The following NEGR1 variants were observed in gnomAD, a reference collection of about 807,000 sequenced individuals.
NEGR1 encodes the protein IgLON family member 4.
A neutral mutation model predicts 40.9 loss-of-function variants in NEGR1; 10 were observed. That is an observed-to-expected ratio of 0.24 (90% CI 0.15 to 0.42). NEGR1 has a LOEUF of 0.42. Among genes scored for constraint, NEGR1 ranks in the 10% least tolerant of loss-of-function variants. NEGR1 has a pLI of 1.00. For synonymous variants in NEGR1, 185 were observed against 166.8 expected (o/e 1.11, Z -0.84); for missense variants, 352 against 438.9 (o/e 0.80, Z 1.77).
intron 4 of NEGR1, among the ~76,000 whole-genome samples, chr1:71,675,803 G>GT (rs1553157806): frequency 0.38 from 17,428 of 46,050 alleles, 1,254 homozygotes; most frequent in East Asian, 0.49. Context: ...TTTGTTTTTT[G>GT]TTTTTTTTTT....
intron 1 of NEGR1, among the ~76,000 whole-genome samples, chr1:72,014,057 T>G (rs924290968): frequency 6.6e-6 from 1 of 151,102 alleles, no homozygotes; most frequent in Non-Finnish European, 1.5e-5. Context: ...TAATGCATAT[T>G]AGCATTTAAA....
intron 1 of NEGR1, among the ~76,000 whole-genome samples, chr1:71,999,100 G>A (rs1646531858): frequency 6.6e-6 from 1 of 151,810 alleles, no homozygotes; most frequent in Non-Finnish European, 1.5e-5. Flanking sequence ...ATGGTTTTAG[G>A]TTTGCCTCAC....
intron 1 of NEGR1, among the ~76,000 whole-genome samples, chr1:72,220,960 T>C (rs1434495584): frequency 2.0e-5 from 3 of 151,344 alleles, no homozygotes; most frequent in Non-Finnish European, 2.9e-5. Context: ...ATTTGTTTGC[T>C]AGAGCTGACA....
At chr1:71,717,976 T>C (rs1654333952) in intron 3 of NEGR1, among the ~76,000 whole-genome samples, 1 of 152,146 alleles carries the variant, frequency 6.6e-6, no homozygotes. Context: ...CAAATCTTGA[T>C]CTCAGACTTA....
intron 4 of NEGR1, among the ~76,000 whole-genome samples, chr1:71,693,988 C>G (rs1332057603): frequency 6.6e-6 from 1 of 151,632 alleles, no homozygotes; most frequent in East Asian, 1.9e-4. Flanking sequence ...TTTTGATTTT[C>G]ACTGTGATCT....
At chr1:71,878,728 A>G (rs1026511080) in intron 2 of NEGR1, among the ~76,000 whole-genome samples, 2 of 152,200 alleles carry the variant, frequency 1.3e-5, no homozygotes, top group Non-Finnish European at 2.9e-5. Context: ...ACAAGTATTT[A>G]AAATATTTGT....
intron 6 of NEGR1, among the ~76,000 whole-genome samples, chr1:71,540,451 A>C (rs766519803): frequency 1.8e-4 from 27 of 151,866 alleles, no homozygotes; most frequent in Admixed American, 7.2e-4. Flanking sequence ...ACTGAATTAC[A>C]ACCTGTTAGC....
intron 1 of NEGR1, among the ~76,000 whole-genome samples, chr1:72,142,544 T>TAGAC (rs1295184705): frequency 6.6e-6 from 1 of 151,558 alleles, no homozygotes; most frequent in Non-Finnish European, 1.5e-5. Context: ...GATAGATAGA[T>TAGAC]AGATAGATAG....
At chr1:72,260,557 T>C (rs568425886) in intron 1 of NEGR1, among the ~76,000 whole-genome samples, 2 of 152,112 alleles carry the variant, frequency 1.3e-5, no homozygotes, top group African/African-American at 4.8e-5. Context: ...GGTAGCAAGA[T>C]TGTGATTTAA....
chr1:72,026,110 C>CAAAAAAAAAAAAAAAAA (rs1172589239), intron 1 of NEGR1, among the ~76,000 whole-genome samples: 2 of 31,140 alleles, frequency 6.4e-5, no homozygotes, highest in Non-Finnish European at 1.3e-4. Flanking sequence ...GACTCCGTCT[C>CAAAAAAAAAAAAAAAAA]AAAAAAAAAA....
chr1:71,705,963 CA>C (rs947474949), intron 3 of NEGR1, among the ~76,000 whole-genome samples: 6 of 151,972 alleles, frequency 3.9e-5, no homozygotes. Flanking sequence ...ACAAGGACAT[CA>C]AGTTAATAAC....
intron 6 of NEGR1, among the ~76,000 whole-genome samples, chr1:71,502,820 CTG>C (rs1311883545): frequency 6.6e-6 from 1 of 152,196 alleles, no homozygotes; most frequent in African/African-American, 2.4e-5. Context: ...GTGTGCATGA[CTG>C]AGATGTATCC....
chr1:72,109,024 G>A (rs1286501484), intron 1 of NEGR1, among the ~76,000 whole-genome samples: 1 of 151,478 alleles, frequency 6.6e-6, no homozygotes, highest in Non-Finnish European at 1.5e-5. Context: ...ATCACACAAG[G>A]TTATCAAGTG....
Position 72,165,599 on chromosome 1 carries a change from C to A in NEGR1, c.176+116720G>T, listed in dbSNP as rs541151186. On this transcript the variant is annotated intron_variant, in intron 1 of 6. Transcript: ENST00000357731. ...ATTCTTTGTTTCTTCCATTGCCATA[C>A]TCTTTCCTTCTCCCTTCTCATTCAA... 2.6e-5 allele frequency among the ~76,000 whole-genome samples: 4 copies of A among 152,146 alleles called. No individual in the cohort carries two copies. The East Asian group carries it at 7.7e-4, about 29-fold the overall frequency.
At chr1:72,080,128 T>C (rs1647933094) in intron 1 of NEGR1, among the ~76,000 whole-genome samples, 1 of 152,162 alleles carries the variant, frequency 6.6e-6, no homozygotes, top group Non-Finnish European at 1.5e-5. Context: ...GGTGCTATTA[T>C]TGTTGGTCTT....
intron 4 of NEGR1, among the ~76,000 whole-genome samples, chr1:71,657,097 A>T (rs1045270718): frequency 6.6e-6 from 1 of 152,240 alleles, no homozygotes; most frequent in African/African-American, 2.4e-5. Context: ...AGGAAATCTG[A>T]AACAGCAGTC....
chr1:71,921,704 AT>A (rs1341302989), intron 2 of NEGR1, among the ~76,000 whole-genome samples: 5 of 8,328 alleles, frequency 6.0e-4, no homozygotes, highest in African/African-American at 1.8e-3. Context: ...CAGTACAAGA[AT>A]ATATATATAT....
intron 6 of NEGR1, among the ~76,000 whole-genome samples, chr1:71,435,569 A>G (rs1246468799): frequency 6.6e-6 from 1 of 152,184 alleles, no homozygotes; most frequent in Non-Finnish European, 1.5e-5. Context: ...TTAGTAAGAA[A>G]GAGAATTGAG....
chr1:71,694,324 T>A (rs1481512719), intron 4 of NEGR1, among the ~76,000 whole-genome samples: 1 of 151,598 alleles, frequency 6.6e-6, no homozygotes, highest in Non-Finnish European at 1.5e-5. Context: ...ATTATTTTAA[T>A]TTTTTAAAAA....
Sources: allele counts gnomAD v4.1 joint callset (sites outside exome capture counted in the v4.1 genomes callset), GRCh38; gene constraint gnomAD v4.1.1; transcripts MANE v1.5; gene names NCBI Gene and HGNC (gene_info 2026-07-23, HGNC 2026-07-21).